Variants in OPCML observed in about 807,000 individuals in gnomAD.
The protein encoded by OPCML is opioid-binding protein/cell adhesion molecule.
OPCML carries 13 observed loss-of-function variants against 37.8 expected under a neutral mutation model. The observed-to-expected ratio is 0.34, with a 90% CI of 0.22 to 0.55. The LOEUF (loss-of-function observed/expected upper bound fraction) is 0.55. OPCML is among the 20% of genes least tolerant of loss of function. The pLI, the probability that OPCML is intolerant of heterozygous loss-of-function variation, is 0.91. For missense variants in OPCML, 341 were observed against 435.6 expected, an observed-to-expected ratio of 0.78 and a Z score of 1.93; for synonymous variants, 176 against 168.8, an observed-to-expected ratio of 1.04 and a Z score of -0.33.
chr11:132,741,893 G>A (rs1945444342), intron 2 of OPCML, among the ~76,000 whole-genome samples: 1 of 151,986 alleles, frequency 6.6e-6, no homozygotes. Context: ...GCTGGGCATG[G>A]TGGTGCATGC....
chr11:132,591,701 A>G (rs1346393536), intron 3 of OPCML, among the ~76,000 whole-genome samples: 2 of 152,230 alleles, frequency 1.3e-5, no homozygotes, highest in South Asian at 4.1e-4. Context: ...ATGAGGATTA[A>G]TTAGTTAAAA....
intron 1 of OPCML, among the ~76,000 whole-genome samples, chr11:133,494,396 A>C (rs535343865): frequency 2.0e-5 from 3 of 152,024 alleles, no homozygotes; most frequent in Admixed American, 6.6e-5. Flanking sequence ...ACTATAAATC[A>C]TGCTGCTATA....
chr11:132,433,172 T>A (rs1257522491), intron 7 of OPCML, among the ~76,000 whole-genome samples: 1 of 152,164 alleles, frequency 6.6e-6, no homozygotes, highest in Non-Finnish European at 1.5e-5. Context: ...GAGCAGTGAC[T>A]CTGGCAGGCA....
chr11:132,613,316 C>T (rs1250468332), intron 3 of OPCML, among the ~76,000 whole-genome samples: 1 of 152,186 alleles, frequency 6.6e-6, no homozygotes, highest in Non-Finnish European at 1.5e-5. Context: ...AGGAGGAGCT[C>T]ATTGTTCAGG....
chr11:133,016,503 G>T (rs1474023198), intron 1 of OPCML, among the ~76,000 whole-genome samples: 1 of 152,132 alleles, frequency 6.6e-6, no homozygotes, highest in Admixed American at 6.5e-5. Flanking sequence ...GCTGGAGAAA[G>T]TTTCTTGCTT....
intron 1 of OPCML, among the ~76,000 whole-genome samples, chr11:132,961,340 G>A (rs1745426153): frequency 6.6e-6 from 1 of 152,164 alleles, no homozygotes; most frequent in African/African-American, 2.4e-5. Flanking sequence ...AGGATAAGCA[G>A]CACAAAGATA....
chr11:133,347,533 G>A (rs1592221717), intron 1 of OPCML, among the ~76,000 whole-genome samples: 1 of 152,062 alleles, frequency 6.6e-6, no homozygotes, highest in Non-Finnish European at 1.5e-5. Context: ...TTTTTCTCCT[G>A]TATCCAATAT....
intron 2 of OPCML, among the ~76,000 whole-genome samples, chr11:132,892,378 A>G (rs774796523): frequency 4.6e-5 from 7 of 152,332 alleles, no homozygotes; most frequent in South Asian, 2.1e-4. Context: ...GGACAGAAGA[A>G]GGGCTTGTAA....
intron 1 of OPCML, among the ~76,000 whole-genome samples, chr11:133,439,714 G>C (rs12269933): frequency 2.6e-5 from 4 of 151,764 alleles, no homozygotes. Flanking sequence ...TGATCCACCC[G>C]CCTTGGCCTC....
intron 1 of OPCML, among the ~76,000 whole-genome samples, chr11:133,433,251 C>CAAAAAAAAAAAAAAAAAAAAAA (rs71477795): frequency 4.0e-4 from 36 of 90,696 alleles, no homozygotes; most frequent in African/African-American, 1.3e-3. Flanking sequence ...GACTCCGTCT[C>CAAAAAAAAAAAAAAAAAAAAAA]AAAAAAAAAA....
chr11:132,420,045 C>T lies in OPCML; in HGVS notation c.*148G>A, dbSNP rs982417748. ...CATTCAAGCTGGAAATAAAAGCAAA[C>T]AAACAAATAAACAAAAACAAAAAGA... is the stretch of plus-strand genomic sequence containing the variant. On this transcript the variant is annotated 3_prime_UTR_variant, in exon 8 of 8. Coordinates refer to ENST00000524381, the MANE Select transcript of OPCML (RefSeq NM_001012393.5). 1.4e-5 allele frequency: 4 copies of T among 296,088 alleles called. No individual in the cohort carries two copies. The highest frequency in any genetic ancestry group is 2.5e-5 in the Non-Finnish European group (4 of 159,114). 18.3% of individuals were successfully genotyped at this position (296,088 alleles called of 1,614,324 possible).
At chr11:132,953,249 C>A (rs1280645679) in intron 1 of OPCML, among the ~76,000 whole-genome samples, 1 of 152,110 alleles carries the variant, frequency 6.6e-6, no homozygotes, top group East Asian at 1.9e-4. Flanking sequence ...AGTAAGTACT[C>A]ACCAAATATT....
intron 1 of OPCML, among the ~76,000 whole-genome samples, chr11:133,142,864 C>T (rs566858375): frequency 2.6e-5 from 4 of 151,974 alleles, no homozygotes; most frequent in Non-Finnish European, 5.9e-5. Context: ...GGTCTCTGCC[C>T]ATACAACACA....
chr11:132,763,429 T>C (rs758216022), intron 2 of OPCML, among the ~76,000 whole-genome samples: 6 of 152,178 alleles, frequency 3.9e-5, no homozygotes, highest in Admixed American at 6.5e-5. Flanking sequence ...TAACAGCTAG[T>C]AAGTGGGGGA....
At chr11:132,985,778 G>A (rs946459247) in intron 1 of OPCML, among the ~76,000 whole-genome samples, 4 of 152,098 alleles carry the variant, frequency 2.6e-5, no homozygotes, top group African/African-American at 4.8e-5. Flanking sequence ...TCACACCTCC[G>A]TATTTTCAAA....
chr11:133,445,974 G>T (rs6590701), intron 1 of OPCML, among the ~76,000 whole-genome samples: 90,391 of 152,040 alleles, frequency 0.59, 30,821 homozygotes, highest in South Asian at 0.78. Flanking sequence ...TCTGTGATTT[G>T]CATGATCTAA....
chr11:132,583,794 A>G (rs1469408571), intron 3 of OPCML, among the ~76,000 whole-genome samples: 2 of 151,722 alleles, frequency 1.3e-5, no homozygotes, highest in Non-Finnish European at 2.9e-5. Context: ...TTGTGTTTTT[A>G]GTAGAGATGG....
intron 4 of OPCML, among the ~76,000 whole-genome samples, chr11:132,510,901 C>T (rs1435878239): frequency 6.6e-6 from 1 of 152,050 alleles, no homozygotes; most frequent in East Asian, 1.9e-4. Flanking sequence ...TGTTTTTCCT[C>T]TAATCAGAAA....
At chr11:133,140,525 TAATAATAAG>T (rs1444157625) in intron 1 of OPCML, among the ~76,000 whole-genome samples, 5 of 57,064 alleles carry the variant, frequency 8.8e-5, no homozygotes, top group East Asian at 1.0e-3. Flanking sequence ...ATAATAATAA[TAATAATAAG>T]AAGAAGAAGA....
Sources: gnomAD v4.1 joint callset for allele counts (sites outside exome capture counted in the v4.1 genomes callset) on GRCh38, gnomAD v4.1.1 for gene constraint, MANE v1.5 for transcripts, NCBI Gene and HGNC (gene_info 2026-07-23, HGNC 2026-07-21) for gene names.